The following MALRD1 variants were observed in gnomAD, a reference collection of about 807,000 sequenced individuals.
MALRD1 encodes the protein MAM and LDL-receptor class A domain-containing protein 1.
A neutral mutation model predicts 242.1 loss-of-function variants in MALRD1; 247 were observed. The observed-to-expected ratio is 1.02, with a 90% CI of 0.92 to 1.13. The LOEUF is 1.13. MALRD1 is among the 50% of genes most tolerant of loss of function. The pLI, the probability that MALRD1 is intolerant of heterozygous loss-of-function variation, is 0.00. For missense variants in MALRD1, 2,989 were observed against 2,533.1 expected, an observed-to-expected ratio of 1.18 and a Z score of -3.86; for synonymous variants, 995 against 866.6, an observed-to-expected ratio of 1.15 and a Z score of -2.60.
At chr10:19,542,003 A>T (rs1564427122) in intron 32 of MALRD1, among the ~76,000 whole-genome samples, 1 of 152,240 alleles carries the variant, frequency 6.6e-6, no homozygotes, top group Non-Finnish European at 1.5e-5. Context: ...AGCTAATCTA[A>T]TATGACCTTC....
intron 18 of MALRD1, among the ~76,000 whole-genome samples, chr10:19,235,758 T>C (rs1838291873): frequency 6.6e-6 from 1 of 152,046 alleles, no homozygotes; most frequent in African/African-American, 2.4e-5. Flanking sequence ...GAAACAGGGA[T>C]CATTCAGGAT....
intron 28 of MALRD1, among the ~76,000 whole-genome samples, chr10:19,405,883 C>T (rs540644380): frequency 8.6e-5 from 13 of 151,726 alleles, no homozygotes; most frequent in African/African-American, 2.4e-4. Flanking sequence ...TTTGCTGGAG[C>T]GATGAAGACC....
intron 28 of MALRD1, among the ~76,000 whole-genome samples, chr10:19,435,084 C>T (rs1179435370): frequency 6.7e-6 from 1 of 150,362 alleles, no homozygotes; most frequent in Non-Finnish European, 1.5e-5. Flanking sequence ...TTGATAAATT[C>T]TCATTACATG....
intron 1 of MALRD1, among the ~76,000 whole-genome samples, chr10:19,064,862 C>T (rs1030911233): frequency 1.3e-5 from 2 of 151,720 alleles, no homozygotes; most frequent in African/African-American, 4.8e-5. Context: ...TCATGCGGAG[C>T]AGGACCAACT....
At chr10:19,649,783 G>C (rs1840789960) in intron 36 of MALRD1, among the ~76,000 whole-genome samples, 1 of 152,094 alleles carries the variant, frequency 6.6e-6, no homozygotes, top group Admixed American at 6.6e-5. Flanking sequence ...TGGTGTCTTT[G>C]TCATAAAATT....
At chr10:19,164,376 C>T (rs1032527432) in intron 12 of MALRD1, among the ~76,000 whole-genome samples, 15 of 152,134 alleles carry the variant, frequency 9.9e-5, no homozygotes, top group African/African-American at 3.4e-4. Context: ...ACACTAGAAT[C>T]TGTCCATTTA....
intron 2 of MALRD1, among the ~76,000 whole-genome samples, chr10:19,083,240 G>T (rs1321555368): frequency 6.6e-6 from 1 of 151,960 alleles, no homozygotes; most frequent in Non-Finnish European, 1.5e-5. Flanking sequence ...GTATGTTGGG[G>T]TGCACTTTCC....
At chr10:19,588,525 A>G (rs1444079486) in intron 33 of MALRD1, among the ~76,000 whole-genome samples, 5 of 152,220 alleles carry the variant, frequency 3.3e-5, no homozygotes, top group Non-Finnish European at 7.3e-5. Flanking sequence ...TGATGCAATT[A>G]CAATTTCCTG....
chr10:19,196,775 AATGGTACCTCC>A (rs1476689501), intron 14 of MALRD1, among the ~76,000 whole-genome samples: 1 of 151,992 alleles, frequency 6.6e-6, no homozygotes, highest in Non-Finnish European at 1.5e-5. Flanking sequence ...CCACTTCATA[AATGGTACCTCC>A]ATGGTTCCAA....
chr10:19,628,348 C>G (rs1368017766), intron 36 of MALRD1, among the ~76,000 whole-genome samples: 1 of 152,092 alleles, frequency 6.6e-6, no homozygotes, highest in Non-Finnish European at 1.5e-5. Context: ...AATATAAACA[C>G]AAACATATTG....
At chr10:19,058,950 G>T (rs1488068752) in intron 1 of MALRD1, among the ~76,000 whole-genome samples, 2 of 152,144 alleles carry the variant, frequency 1.3e-5, no homozygotes, top group Admixed American at 6.5e-5. Context: ...TTTATAATAT[G>T]AAAGAGGATT....
At chr10:19,563,964 G>A (rs1036314782) in intron 32 of MALRD1, among the ~76,000 whole-genome samples, 9 of 152,126 alleles carry the variant, frequency 5.9e-5, no homozygotes, top group African/African-American at 2.2e-4. Flanking sequence ...TCTTTTTCCT[G>A]CTTTCCCCAT....
chr10:19,438,522 A>T (rs1363115886), intron 28 of MALRD1, among the ~76,000 whole-genome samples: 6 of 152,186 alleles, frequency 3.9e-5, no homozygotes, highest in African/African-American at 1.4e-4. Context: ...TTACCCAGAA[A>T]CGTAATTGAT....
At chr10:19,204,585 A>C (rs1025147015) in intron 16 of MALRD1, among the ~76,000 whole-genome samples, 172 bp downstream of exon 16, 12 of 152,044 alleles carry the variant, frequency 7.9e-5, no homozygotes, top group South Asian at 2.1e-4. Flanking sequence ...GCGTGTTCTC[A>C]GTATATGTTG....
chr10:19,529,803 AG>A (rs1490265658), intron 31 of MALRD1, among the ~76,000 whole-genome samples: 10 of 152,124 alleles, frequency 6.6e-5, no homozygotes, highest in Non-Finnish European at 1.3e-4. Context: ...ATTAATCAAA[AG>A]AATGTAGAAA....
Position 19,734,305 on chromosome 10 carries a change from A to G in MALRD1, c.*68A>G, listed in dbSNP as rs1453319775. 1.6e-6 allele frequency: 2 copies of G among 1,245,944 alleles called. No individual in the cohort carries two copies. Among genetic ancestry groups the G allele is most frequent in the African/African-American group, 1.5e-5 (1 of 66,470 alleles). The allele number at this position is 1,245,944 out of a possible 1,614,324, so 77.2% of individuals were successfully genotyped here. ...AAAATTGAAGTCTCCACAATCTGAT[A>G]GAAACTCATCTTCTACAATGGTAAA... On this transcript the variant is annotated 3_prime_UTR_variant, in exon 40 of 40. Coordinates refer to ENST00000454679, the MANE Select transcript of MALRD1 (RefSeq NM_001142308.3).
intron 36 of MALRD1, among the ~76,000 whole-genome samples, chr10:19,651,533 C>T (rs1840891121): frequency 6.6e-6 from 1 of 152,148 alleles, no homozygotes; most frequent in African/African-American, 2.4e-5. Flanking sequence ...TTCAGTTATT[C>T]ATTAAATAGT....
intron 29 of MALRD1, among the ~76,000 whole-genome samples, chr10:19,452,530 A>G (rs940387453): frequency 5.9e-5 from 9 of 152,202 alleles, no homozygotes; most frequent in Non-Finnish European, 8.8e-5. Context: ...AAAAGTAGCC[A>G]TTGGTTTTTA....
intron 21 of MALRD1, among the ~76,000 whole-genome samples, chr10:19,283,826 A>G (rs1289565664): frequency 1.3e-5 from 2 of 152,222 alleles, no homozygotes; most frequent in African/African-American, 2.4e-5. Context: ...TCAATATTAT[A>G]AAGTTGCTTC....
Sources: allele counts gnomAD v4.1 joint callset (sites outside exome capture counted in the v4.1 genomes callset), GRCh38; gene constraint gnomAD v4.1.1; transcripts MANE v1.5; gene names NCBI Gene and HGNC (gene_info 2026-07-23, HGNC 2026-07-21).